The following WNT8B variants were observed in gnomAD, a reference collection of about 807,000 sequenced individuals.
The protein encoded by WNT8B is protein Wnt-8b.
Under a neutral mutation model 36.6 loss-of-function variants are expected in WNT8B, and 24 were observed. That is an observed-to-expected ratio of 0.66 (90% CI 0.48 to 0.92). WNT8B has a LOEUF of 0.92. WNT8B is among the 40% of genes least tolerant of loss of function. WNT8B has a pLI of 0.00. For synonymous variants in WNT8B, 199 were observed against 189.8 expected (o/e 1.05, Z -0.40); for missense variants, 402 against 470.8 (o/e 0.85, Z 1.35).
intron 1 of WNT8B, among the ~76,000 whole-genome samples, chr10:100,464,520 C>T (rs11190568): frequency 0.17 from 25,550 of 152,042 alleles, 2,605 homozygotes; most frequent in South Asian, 0.23. Flanking sequence ...GTCACCAGGG[C>T]GGTGTGAAGA....
intron 1 of WNT8B, among the ~76,000 whole-genome samples, chr10:100,470,278 C>T (rs1355309936): frequency 6.6e-6 from 1 of 152,180 alleles, no homozygotes; most frequent in Non-Finnish European, 1.5e-5. Context: ...GTGTATGCCA[C>T]CATACCTGGC....
intron 1 of WNT8B, among the ~76,000 whole-genome samples, chr10:100,477,387 A>AC (rs112932964): frequency 0.21 from 32,407 of 151,454 alleles, 3,549 homozygotes; most frequent in South Asian, 0.23. Flanking sequence ...TGCAAGCTCC[A>AC]TTCCCAGGTT....
rs1186948260 is a variant in WNT8B at position 100,481,934 on chromosome 10, A to T, written c.390A>T (p.Gly130=). Residue 130 remains glycine (G), a synonymous_variant, in exon 5 of 6, where the codon GGA becomes GGT. Coordinates refer to ENST00000343737, the MANE Select transcript of WNT8B (RefSeq NM_003393.4). ...GQLGGQGWLW[G]GCSDNVGFGE... The stretch of plus-strand genomic sequence containing the variant: ...CAGGGGGACAAGGCTGGCTGTGGGG[A>T]GGCTGCAGTGACAATGTGGGCTTCG... 6 of 1,613,752 alleles carry T rather than the reference A, an allele frequency of 3.7e-6. No homozygotes were observed. The highest frequency in any genetic ancestry group is 5.1e-6 in the Non-Finnish European group (6 of 1,179,918).
intron 1 of WNT8B, among the ~76,000 whole-genome samples, chr10:100,476,118 C>T (rs1851035252): frequency 6.6e-6 from 1 of 150,470 alleles, no homozygotes; most frequent in African/African-American, 2.5e-5. Flanking sequence ...AGTGAAACCC[C>T]ATCTCTACTA....
chr10:100,478,489 A>G (rs1366637250), intron 1 of WNT8B, among the ~76,000 whole-genome samples: 7 of 152,144 alleles, frequency 4.6e-5, no homozygotes, highest in South Asian at 2.1e-4. Context: ...TATCAGGTAT[A>G]TGGTACTGGA....
In WNT8B at chr10:100,482,393, G is replaced by A. The variant is rs550054927; in HGVS notation, c.633G>A (p.Lys211=). 26 of 1,607,210 alleles carry A rather than the reference G, an allele frequency of 1.6e-5. No homozygotes were observed. In the East Asian group the frequency reaches 4.2e-4, roughly 26 times the overall value. Residue 211 remains lysine (K), a synonymous_variant, in exon 6 of 6, where the codon AAG becomes AAA. Coordinates refer to ENST00000343737, the MANE Select transcript of WNT8B (RefSeq NM_003393.4). The surrounding 1 kb of genome is among the most constrained non-coding windows in gnomAD (Gnocchi z 6.6). ...AGGTGGGCGCGCACCTGAAGGAGAA[G>A]TACCACGCAGCACTCAAGGTGGACC... is the stretch of plus-strand genomic sequence containing the variant. The part of the protein sequence containing the change: ...FREVGAHLKE[K]YHAALKVDLL...
In WNT8B at chr10:100,467,109, G is replaced by A. The variant is rs190518465; in HGVS notation, c.68+3873G>A. On this transcript the variant is annotated intron_variant, in intron 1 of 5. Transcript: ENST00000343737. Reference sequence around the variant, plus strand: ...ACCTGCACTCCCAGGACCTCTCAACGGAAACTACCATCCACTTTGGACAGA... The same window carrying A: ...ACCTGCACTCCCAGGACCTCTCAACAGAAACTACCATCCACTTTGGACAGA... 5.3e-4 allele frequency among the ~76,000 whole-genome samples: 81 copies of A among 152,004 alleles called. No individual in the cohort carries two copies. In the East Asian group the frequency reaches 8.9e-3, roughly 17 times the overall value.
intron 1 of WNT8B, among the ~76,000 whole-genome samples, chr10:100,476,358 A>G (rs1447852826): frequency 2.0e-5 from 3 of 152,146 alleles, no homozygotes; most frequent in African/African-American, 7.2e-5. Flanking sequence ...TGATTTTCTA[A>G]AATTCTATTA....
chr10:100,482,519 G>A lies in WNT8B; in HGVS notation c.759G>A (p.Pro253=), dbSNP rs774792848. 1.1e-5 allele frequency: 17 copies of A among 1,600,322 alleles called. No homozygotes were observed. The highest frequency in any genetic ancestry group is 1.3e-5 in the Non-Finnish European group (15 of 1,179,532). ...TRELVHLEDS[P]DYCLENKTLG... ...AGCTGGTGCACCTGGAGGACTCCCC[G>A]GACTACTGCCTGGAGAACAAAACGC... The change falls in exon 6 of 6, where the codon CCG becomes CCA. Residue 253 remains proline (P), a synonymous_variant. Transcript: ENST00000343737. The surrounding 1 kb of genome is among the most constrained non-coding windows in gnomAD (Gnocchi z 6.6).
chr10:100,470,935 G>T (rs916218700), intron 1 of WNT8B, among the ~76,000 whole-genome samples: 11 of 152,102 alleles, frequency 7.2e-5, no homozygotes, highest in African/African-American at 2.7e-4. Flanking sequence ...TAGAGATGGG[G>T]TTTCACCGTG....
rs749188480 is a variant in WNT8B, at chr10:100,481,137, T to C, written c.367+14T>C. On this transcript the variant is annotated intron_variant, in intron 4 of 5. Coordinates refer to ENST00000343737, the MANE Select transcript of WNT8B (RefSeq NM_003393.4). ...ACGGGCAACTGGGTGAGTAGTAATG[T>C]AGGGATGGGTACCATAGGCCAGCCA... 1.2e-6 allele frequency: 2 copies of C among 1,613,698 alleles called. No individual in the cohort carries two copies. Among genetic ancestry groups the C allele is most frequent in the South Asian group, 2.2e-5 (2 of 91,024 alleles).
chr10:100,482,466 G>T lies in WNT8B; in HGVS notation c.706G>T (p.Asp236Tyr), dbSNP rs1416686406. 3 of 1,603,976 alleles carry T rather than the reference G, an allele frequency of 1.9e-6. No individual in the cohort carries two copies. Among genetic ancestry groups the T allele is most frequent in the Non-Finnish European group, 2.5e-6 (3 of 1,179,826 alleles). Residue 236 changes from aspartate to tyrosine, a missense_variant, in exon 6 of 6, where the codon GAC (aspartate) becomes TAC (tyrosine). Transcript: ENST00000343737. The surrounding 1 kb of genome is among the most constrained non-coding windows in gnomAD (Gnocchi z 6.6). ...NSAAGRGAIA[D>Y]TFRSISTREL... The stretch of plus-strand genomic sequence containing the variant: ...CGCGGCCGGCCGCGGCGCCATCGCC[G>T]ACACCTTTCGCTCCATCTCTACCCG...
rs1396947859 is a variant in WNT8B, at chr10:100,482,385, A to T, written c.625A>T (p.Lys209Ter). 6.2e-7 allele frequency: 1 copy of T among 1,606,740 alleles called. No individual in the cohort carries two copies. The highest frequency in any genetic ancestry group is 8.5e-7 in the Non-Finnish European group (1 of 1,179,962). Residue 209 changes from lysine to a stop codon, truncating the protein, a stop_gained, in exon 6 of 6, where the codon AAG (lysine) becomes TAG (stop). Coordinates refer to ENST00000343737, the MANE Select transcript of WNT8B (RefSeq NM_003393.4). LOFTEE classifies it high-confidence loss of function. This position sits in a 1 kb window ranked among gnomAD's most constrained non-coding sequence, Gnocchi z 6.6. ...PEFREVGAHL[K>*]EKYHAALKVD... is the part of the protein sequence containing the mutation. The stretch of plus-strand genomic sequence containing the variant: ...GTTCCGCGAGGTGGGCGCGCACCTG[A>T]AGGAGAAGTACCACGCAGCACTCAA...
intron 1 of WNT8B, among the ~76,000 whole-genome samples, chr10:100,468,440 G>T (rs1274225553): frequency 6.6e-6 from 1 of 152,224 alleles, no homozygotes. Flanking sequence ...GGAATTATCT[G>T]CCTCCATAAC....
intron 4 of WNT8B, 103 bp from the exon 5 acceptor site, chr10:100,481,809 T>C (rs986612707): frequency 3.3e-6 from 5 of 1,495,426 alleles, no homozygotes; most frequent in Non-Finnish European, 4.5e-6. Context: ...CTTAATCCTC[T>C]CCTATCCTGG....
Position 100,482,451 on chromosome 10 carries a change from C to A in WNT8B, c.691C>A (p.Arg231Ser), listed in dbSNP as rs1190159666. ...GGGTGCTGGCAACAGCGCGGCCGGC[C>A]GCGGCGCCATCGCCGACACCTTTCG... is the stretch of plus-strand genomic sequence containing the variant. ...LQGAGNSAAG[R>S]GAIADTFRSI... The change falls in exon 6 of 6, where the codon CGC (arginine) becomes AGC (serine). Residue 231 changes from arginine (R) to serine (S), a missense_variant. Arg to Ser is a moderately radical substitution (Grantham distance 110, BLOSUM62 -1). Transcript: ENST00000343737. The surrounding 1 kb of genome is among the most constrained non-coding windows in gnomAD (Gnocchi z 6.6). 6.2e-7 allele frequency: 1 copy of A among 1,605,082 alleles called. No individual in the cohort carries two copies. The highest frequency in any genetic ancestry group is 1.7e-5 in the Admixed American group (1 of 60,014).
intron 1 of WNT8B, among the ~76,000 whole-genome samples, chr10:100,466,923 A>T (rs1035887784): frequency 7.2e-5 from 11 of 152,046 alleles, no homozygotes; most frequent in Admixed American, 7.2e-4. Context: ...TGGCTTAGAG[A>T]ATGAGGTCAA....
At chr10:100,464,358 A>G (rs930818146) in intron 1 of WNT8B, among the ~76,000 whole-genome samples, 2 of 152,160 alleles carry the variant, frequency 1.3e-5, no homozygotes, top group African/African-American at 4.8e-5. Flanking sequence ...AAATATTTCA[A>G]TGTTAAAAAA....
intron 1 of WNT8B, among the ~76,000 whole-genome samples, chr10:100,475,282 G>A (rs1349021583): frequency 6.6e-6 from 1 of 152,060 alleles, no homozygotes; most frequent in East Asian, 1.9e-4. Context: ...CCGGGAGGTG[G>A]AGTCTGCAGT....
Sources: allele counts gnomAD v4.1 joint callset (sites outside exome capture counted in the v4.1 genomes callset), GRCh38; gene constraint gnomAD v4.1.1; non-coding constraint Gnocchi (gnomAD v3.1); transcripts MANE v1.5; gene names NCBI Gene and HGNC (gene_info 2026-07-23, HGNC 2026-07-21).